Variants in CADM2 observed in about 807,000 individuals in gnomAD.
CADM2 encodes immunoglobulin superfamily member 4D.
A neutral mutation model predicts 49.8 loss-of-function variants in CADM2; 12 were observed. The observed-to-expected ratio is 0.24, with a 90% confidence interval of 0.15 to 0.39. The LOEUF (loss-of-function observed/expected upper bound fraction) is 0.39. Among genes scored for constraint, CADM2 ranks in the 10% least tolerant of loss-of-function variants. The pLI, the probability that CADM2 is intolerant of heterozygous loss-of-function variation, is 1.00. For missense variants in CADM2, 378 were observed against 492.3 expected (o/e 0.77, Z 2.20); for synonymous variants, 214 against 175.4 (o/e 1.22, Z -1.74).
rs898317141 is a variant in CADM2 at position 84,959,544 on chromosome 3, G to A, written c.-64G>A. On this transcript the variant is annotated 5_prime_UTR_variant, in exon 1 of 10. The change creates a new upstream start codon in the 5' untranslated region. Coordinates refer to ENST00000383699, the MANE Select transcript of CADM2 (RefSeq NM_001167675.2). ...GACACCAGCGGAGCCCTGCACTCTC[G>A]TGCCCCGCTCACCAGCATCTACTTG... 3 of 1,465,208 alleles carry A rather than the reference G, an allele frequency of 2.0e-6. No individual in the cohort carries two copies. The highest frequency in any genetic ancestry group is 1.4e-5 in the African/African-American group (1 of 71,564). 90.8% of individuals were successfully genotyped at this position (1,465,208 alleles called of 1,614,324 possible).
intron 1 of CADM2, among the ~76,000 whole-genome samples, chr3:85,297,103 T>C (rs2043983475): frequency 1.3e-5 from 2 of 152,030 alleles, no homozygotes; most frequent in Admixed American, 1.3e-4. Context: ...TTATAATCTT[T>C]CTAAGATAAG....
chr3:85,371,790 T>A (rs896633536), intron 1 of CADM2, among the ~76,000 whole-genome samples: 2 of 149,616 alleles, frequency 1.3e-5, no homozygotes, highest in East Asian at 3.9e-4. Flanking sequence ...TCTGCATATA[T>A]GGAAGGCTAA....
chr3:85,940,090 A>T (rs1367135616), intron 7 of CADM2, among the ~76,000 whole-genome samples: 3 of 146,438 alleles, frequency 2.0e-5, no homozygotes, highest in Non-Finnish European at 4.5e-5. Context: ...AGATGGAGGC[A>T]GGAGGATCAT....
At chr3:85,648,105 G>T (rs1010864621) in intron 1 of CADM2, among the ~76,000 whole-genome samples, 2 of 151,814 alleles carry the variant, frequency 1.3e-5, no homozygotes, top group African/African-American at 4.8e-5. Flanking sequence ...CCATGTTTCT[G>T]TGGTGTAATT....
At chr3:85,568,445 T>TTC (rs1181706633) in intron 1 of CADM2, among the ~76,000 whole-genome samples, 344 of 33,018 alleles carry the variant, frequency 0.01, 15 homozygotes, top group African/African-American at 0.031. Context: ...CTTTCTTTCT[T>TTC]TCTTTCTTTC....
At chr3:85,347,097 C>A (rs944733980) in intron 1 of CADM2, among the ~76,000 whole-genome samples, 2 of 151,708 alleles carry the variant, frequency 1.3e-5, no homozygotes, top group African/African-American at 4.8e-5. Context: ...GTGGTGCATG[C>A]CTGTGATCCG....
intron 1 of CADM2, among the ~76,000 whole-genome samples, chr3:85,504,122 C>T (rs1174311094): frequency 1.3e-5 from 2 of 152,002 alleles, no homozygotes; most frequent in African/African-American, 2.4e-5. Context: ...GCGGCGTGTC[C>T]GGAGTTTGTT....
intron 1 of CADM2, among the ~76,000 whole-genome samples, chr3:85,059,014 C>A (rs565773119): frequency 6.6e-6 from 1 of 151,394 alleles, no homozygotes; most frequent in Non-Finnish European, 1.5e-5. Flanking sequence ...CCGAGGTGGG[C>A]GGATCATGAG....
intron 1 of CADM2, among the ~76,000 whole-genome samples, chr3:84,985,604 T>C (rs1645094993): frequency 6.6e-6 from 1 of 152,172 alleles, no homozygotes; most frequent in Admixed American, 6.5e-5. Flanking sequence ...TGTTTGCGTC[T>C]TTGATGCTAA....
rs868244070 is a variant in CADM2 at position 85,085,537 on chromosome 3, T to A, written c.61+125869T>A. Among the ~76,000 whole-genome samples the A allele has an allele frequency of 5.9e-5, 9 of 152,266 alleles. No individual in the cohort carries two copies. In the Middle Eastern group the frequency reaches 0.017, roughly 288 times the overall value. ...GGACATTTCAGTCGATCCCTGTTAG[T>A]TTATTCTTAAGATATTTTAAAGACC... On this transcript the variant is annotated intron_variant, in intron 1 of 9. Transcript: ENST00000383699.
At chr3:85,909,420 A>ATATATAT (rs1559735946) in intron 5 of CADM2, among the ~76,000 whole-genome samples, 6 of 150,614 alleles carry the variant, frequency 4.0e-5, no homozygotes, top group South Asian at 2.1e-4. Flanking sequence ...ATATATATAT[A>ATATATAT]ATGTCCAATG....
chr3:85,001,616 A>G (rs897979409), intron 1 of CADM2, among the ~76,000 whole-genome samples: 3 of 152,100 alleles, frequency 2.0e-5, no homozygotes, highest in Non-Finnish European at 4.4e-5. Context: ...ATCTATACAG[A>G]CAATACTATT....
At chr3:85,047,569 T>C (rs974539047) in intron 1 of CADM2, among the ~76,000 whole-genome samples, 1 of 152,154 alleles carries the variant, frequency 6.6e-6, no homozygotes, top group Non-Finnish European at 1.5e-5. Context: ...ATTGAATACA[T>C]ACTGTATGCT....
intron 1 of CADM2, among the ~76,000 whole-genome samples, chr3:85,668,223 T>A (rs4320069): frequency 0.71 from 104,810 of 148,264 alleles, 37,099 homozygotes; most frequent in East Asian, 0.8. Context: ...TGACAAAGAC[T>A]TCAAGCACCC....
chr3:85,840,455 C>G (rs1241464069), intron 3 of CADM2, among the ~76,000 whole-genome samples: 1 of 151,876 alleles, frequency 6.6e-6, no homozygotes. Flanking sequence ...CATGTACTCA[C>G]ATACTTATAA....
chr3:85,333,123 T>C (rs1342619247), intron 1 of CADM2, among the ~76,000 whole-genome samples: 2 of 151,780 alleles, frequency 1.3e-5, no homozygotes, highest in African/African-American at 2.4e-5. Flanking sequence ...ATTTAATCTT[T>C]GCATTGTACA....
intron 1 of CADM2, among the ~76,000 whole-genome samples, chr3:85,455,060 C>T (rs1476810605): frequency 6.6e-6 from 1 of 152,126 alleles, no homozygotes; most frequent in Non-Finnish European, 1.5e-5. Context: ...CAGCCCATAT[C>T]CTACAAATAT....
chr3:85,419,354 A>G (rs2036062435), intron 1 of CADM2, among the ~76,000 whole-genome samples: 2 of 152,092 alleles, frequency 1.3e-5, no homozygotes, highest in Non-Finnish European at 2.9e-5. Context: ...GCTACTCAGG[A>G]GGCTGAGACA....
At chr3:85,068,070 T>A (rs1028729926) in intron 1 of CADM2, among the ~76,000 whole-genome samples, 2 of 152,066 alleles carry the variant, frequency 1.3e-5, no homozygotes, top group Non-Finnish European at 2.9e-5. Flanking sequence ...AAAAATAAAA[T>A]ATTTTCTGTT....
Sources: allele counts gnomAD v4.1 joint callset (sites outside exome capture counted in the v4.1 genomes callset), GRCh38; gene constraint gnomAD v4.1.1; transcripts MANE v1.5; gene names NCBI Gene and HGNC (gene_info 2026-07-23, HGNC 2026-07-21).